The following GABRG3 variants were observed in gnomAD, a reference collection of about 807,000 sequenced individuals.
GABRG3 encodes the protein gamma-aminobutyric acid type A receptor subunit gamma3.
A neutral mutation model predicts 48.8 loss-of-function variants in GABRG3; 25 were observed. The ratio of observed to expected loss-of-function variants is 0.51; its 90% CI spans 0.37 to 0.72. The LOEUF (loss-of-function observed/expected upper bound fraction) is 0.72, where lower values mean the gene tolerates loss of function less well. Ranked by LOEUF, GABRG3 falls within the 30% of genes least tolerant of loss-of-function variation. The pLI is 0.00. For synonymous variants in GABRG3, 227 were observed against 217.6 expected (o/e 1.04, Z -0.38); for missense variants, 394 against 577.9 (o/e 0.68, Z 3.26).
intron 5 of GABRG3, among the ~76,000 whole-genome samples, chr15:27,439,059 C>T (rs1347202786): frequency 6.6e-6 from 1 of 152,142 alleles, no homozygotes; most frequent in Non-Finnish European, 1.5e-5. Flanking sequence ...GGAAAAGCCA[C>T]CTTGTTTTTG....
intron 5 of GABRG3, among the ~76,000 whole-genome samples, chr15:27,431,945 A>G (rs1888466404): frequency 6.6e-6 from 1 of 151,964 alleles, no homozygotes; most frequent in Non-Finnish European, 1.5e-5. Context: ...ATTTTTGTGT[A>G]TTTCCCAAAT....
chr15:27,033,604 C>T (rs368119974), intron 3 of GABRG3, among the ~76,000 whole-genome samples: 9 of 151,922 alleles, frequency 5.9e-5, no homozygotes, highest in African/African-American at 1.5e-4. Context: ...ATGCTTTGAA[C>T]GACACTAAAG....
chr15:27,364,922 T>C (rs985505342), intron 5 of GABRG3: 6 of 152,310 alleles, frequency 3.9e-5, no homozygotes, highest in African/African-American at 1.4e-4. Context: ...TTTGTTTTAA[T>C]TTCAGGCTTA....
At chr15:27,460,980 C>T (rs528636581) in intron 5 of GABRG3, among the ~76,000 whole-genome samples, 1 of 152,164 alleles carries the variant, frequency 6.6e-6, no homozygotes, top group South Asian at 2.1e-4. Flanking sequence ...TTGGTAGGCC[C>T]TAAAACAGGT....
chr15:26,979,787 T>C (rs1400802799), intron 2 of GABRG3, among the ~76,000 whole-genome samples: 2 of 150,806 alleles, frequency 1.3e-5, no homozygotes, highest in African/African-American at 5.0e-5. Context: ...GTTAATATTT[T>C]GTTAAGGATT....
At chr15:27,058,219 C>T (rs1004782652) in intron 3 of GABRG3, among the ~76,000 whole-genome samples, 4 of 152,160 alleles carry the variant, frequency 2.6e-5, no homozygotes, top group Non-Finnish European at 5.9e-5. Flanking sequence ...ATAAGAGAAG[C>T]GCTGATTTCT....
intron 3 of GABRG3, among the ~76,000 whole-genome samples, chr15:27,140,282 C>T (rs28711984): frequency 0.29 from 43,477 of 151,912 alleles, 7,065 homozygotes; most frequent in Middle Eastern, 0.4. Flanking sequence ...TGAGGGCTGA[C>T]GCTATCTCCA....
chr15:27,133,037 T>G (rs1443812200), intron 3 of GABRG3, among the ~76,000 whole-genome samples: 8 of 152,088 alleles, frequency 5.3e-5, no homozygotes, highest in Admixed American at 5.2e-4. Flanking sequence ...CTAATTTCTC[T>G]TACGATATTG....
At chr15:27,380,798 C>A (rs1181479295) in intron 5 of GABRG3, among the ~76,000 whole-genome samples, 8 of 142,808 alleles carry the variant, frequency 5.6e-5, no homozygotes, top group African/African-American at 1.8e-4. Context: ...GCGAGTCTCA[C>A]TCTGTTGCCC....
At chr15:27,461,983 A>G (rs1566851607) in intron 5 of GABRG3, among the ~76,000 whole-genome samples, 1 of 152,186 alleles carries the variant, frequency 6.6e-6, no homozygotes, top group Non-Finnish European at 1.5e-5. Flanking sequence ...CTTGGTGAAC[A>G]TGCCCATTGT....
chr15:27,338,246 T>C (rs1894042790), intron 5 of GABRG3, among the ~76,000 whole-genome samples: 2 of 152,138 alleles, frequency 1.3e-5, no homozygotes. Context: ...TTGATACTGG[T>C]ACCCTAAAAG....
At chr15:27,229,696 C>G (rs1219456017) in intron 3 of GABRG3, among the ~76,000 whole-genome samples, 2 of 152,060 alleles carry the variant, frequency 1.3e-5, no homozygotes, top group Non-Finnish European at 2.9e-5. Flanking sequence ...AGGCTGGTCT[C>G]TAACTCCTGA....
chr15:26,987,026 G>A (rs1188191394), intron 2 of GABRG3, among the ~76,000 whole-genome samples: 1 of 152,206 alleles, frequency 6.6e-6, no homozygotes, highest in Non-Finnish European at 1.5e-5. Flanking sequence ...GGAAGGCCAA[G>A]GTGGGCGGAT....
chr15:27,400,039 G>A lies in GABRG3; in HGVS notation c.574+71151G>A, dbSNP rs557824676. 2.0e-3 allele frequency among the ~76,000 whole-genome samples: 307 copies of A among 152,244 alleles called. 1 individual carries two copies. The highest frequency in any genetic ancestry group is 3.4e-3 in the Middle Eastern group (1 of 294). The stretch of plus-strand genomic sequence containing the variant: ...TTTAGTTTTTATTCTCTATTTTCAA[G>A]GCTACACATAAATTTTAAATCTTTT... On this transcript the variant is annotated intron_variant, in intron 5 of 9. Coordinates refer to ENST00000615808, the MANE Select transcript of GABRG3 (RefSeq NM_033223.5).
chr15:27,480,720 A>C lies in GABRG3; in HGVS notation c.645A>C (p.Ser215=). Residue 215 remains serine, a synonymous_variant, in exon 6 of 10, where the codon TCA becomes TCC. Coordinates refer to ENST00000615808, the MANE Select transcript of GABRG3 (RefSeq NM_033223.5). The stretch of plus-strand genomic sequence containing the variant: ...CAGTGGAGGCAGCTGACCAGAAATC[A>C]TGGCGGCTTTATCAGTTTGACTTCA... ...KNSVEAADQK[S]WRLYQFDFMG... The C allele has an allele frequency of 6.2e-7, 1 of 1,613,638 alleles. No individual in the cohort carries two copies. Among genetic ancestry groups the C allele is most frequent in the African/African-American group, 1.3e-5 (1 of 75,068 alleles).
rs1892629467 is a variant in GABRG3, at chr15:27,307,368, T to TTTATATATGTTTATATATAACCATAG, written c.271-19441_271-19440insTTATATATGTTTATATATAACCATAG. On this transcript the variant is annotated intron_variant, in intron 3 of 9. Coordinates refer to ENST00000615808, the MANE Select transcript of GABRG3 (RefSeq NM_033223.5). The stretch of plus-strand genomic sequence containing the variant: ...TTATATATGTTTATATATAACCATA[T>TTTATATATGTTTATATATAACCATAG]AGGTTTATATATTTATATATAACCA... 3.3e-5 allele frequency among the ~76,000 whole-genome samples: 3 copies of TTTATATATGTTTATATATAACCATAG among 90,052 alleles called. 1 individual carries two copies. In the South Asian group the frequency reaches 1.0e-3, roughly 31 times the overall value. The allele number at this position is 90,052 out of a possible 152,430, so 59.1% of individuals were successfully genotyped here. A position where few individuals can be genotyped will look rare whatever the true frequency, so the allele number is the denominator to read the frequency against.
intron 2 of GABRG3, among the ~76,000 whole-genome samples, chr15:27,006,383 G>A (rs1453334596): frequency 1.3e-5 from 2 of 152,010 alleles, no homozygotes; most frequent in African/African-American, 4.8e-5. Context: ...TGTATTTTTA[G>A]CAGAGATGGG....
chr15:27,083,095 A>AT (rs1897018123), intron 3 of GABRG3, among the ~76,000 whole-genome samples: 1 of 152,226 alleles, frequency 6.6e-6, no homozygotes, highest in Non-Finnish European at 1.5e-5. Context: ...TATAAAATAC[A>AT]TTTTCATGTT....
intron 2 of GABRG3, among the ~76,000 whole-genome samples, chr15:26,999,066 T>C (rs1313260816): frequency 6.6e-6 from 1 of 151,882 alleles, no homozygotes; most frequent in Non-Finnish European, 1.5e-5. Flanking sequence ...GACCTGTCAG[T>C]TGGCCCTTCC....
Sources: allele counts gnomAD v4.1 joint callset (sites outside exome capture counted in the v4.1 genomes callset), GRCh38; gene constraint gnomAD v4.1.1; transcripts MANE v1.5; gene names NCBI Gene and HGNC (gene_info 2026-07-23, HGNC 2026-07-21).